The following SLC24A2 variants were observed in gnomAD, a reference collection of about 807,000 sequenced individuals.
SLC24A2 encodes the protein sodium/potassium/calcium exchanger 2.
SLC24A2 carries 36 observed loss-of-function variants against 62.0 expected under a neutral mutation model. The observed-to-expected ratio is 0.58, with a 90% CI of 0.44 to 0.77. The LOEUF (loss-of-function observed/expected upper bound fraction) is 0.77, where lower values mean the gene tolerates loss of function less well. SLC24A2 is among the 30% of genes least tolerant of loss of function. SLC24A2 has a pLI of 0.00. For missense variants in SLC24A2, 846 were observed against 817.9 expected (o/e 1.03, Z -0.42); for synonymous variants, 358 against 294.0 (o/e 1.22, Z -2.23).
At chr9:20,210,418 A>T in the SLC24A2 span, among the ~76,000 whole-genome samples, 2 of 152,330 alleles carry the variant, frequency 1.3e-5, no homozygotes, top group Non-Finnish European at 2.9e-5. Context: ...TTGGCTAAAT[A>T]GCATTTAAAG....
At chr9:19,850,403 A>G in the SLC24A2 span, among the ~76,000 whole-genome samples, 5 of 152,178 alleles carry the variant, frequency 3.3e-5, no homozygotes, top group Admixed American at 3.3e-4. Context: ...TAAATGTGCA[A>G]AGCATATATA....
At chr9:19,770,266 G>C (rs1365479211) in intron 2 of SLC24A2, among the ~76,000 whole-genome samples, 1 of 151,784 alleles carries the variant, frequency 6.6e-6, no homozygotes, top group African/African-American at 2.4e-5. Context: ...CTTGGTTTTG[G>C]ATCTCGGTTC....
chr9:19,694,680 T>G (rs893532471), intron 2 of SLC24A2, among the ~76,000 whole-genome samples: 3 of 152,160 alleles, frequency 2.0e-5, no homozygotes, highest in African/African-American at 7.2e-5. Flanking sequence ...AGTTCAGATA[T>G]GCACAAAGAT....
At position 19,786,139 on chromosome 9, in the gene SLC24A2, G is replaced by A; in HGVS notation, c.728C>T (p.Ser243Phe). ...CATGATCAAGTCAACAATGTAGAAA[G>A]ACACATCTCGAAAGAGCGGCCACCA... ...LTWWPLFRDV[S>F]FYIVDLIMLI... is the part of the protein sequence containing the mutation. The change falls in exon 2 of 11, where the codon TCT becomes TTT. Residue 243 changes from serine (S) to phenylalanine (F), a missense_variant. By Grantham distance (155) the Ser-to-Phe change is radical (BLOSUM62 -2). Coordinates refer to ENST00000341998, the MANE Select transcript of SLC24A2 (RefSeq NM_020344.4). The surrounding 1 kb of genome is among the most constrained non-coding windows in gnomAD (Gnocchi z 5.0). 6.2e-7 allele frequency: 1 copy of A among 1,614,172 alleles called. No individual in the cohort carries two copies. Among genetic ancestry groups the A allele is most frequent in the South Asian group, 1.1e-5 (1 of 91,074 alleles).
chr9:20,145,271 C>T, the SLC24A2 span, among the ~76,000 whole-genome samples: 2 of 152,102 alleles, frequency 1.3e-5, no homozygotes, highest in African/African-American at 2.4e-5. Flanking sequence ...GGGCTCGTTG[C>T]TCTATGAAAG....
chr9:19,802,175 G>T, the SLC24A2 span, among the ~76,000 whole-genome samples: 2 of 152,170 alleles, frequency 1.3e-5, no homozygotes, highest in African/African-American at 4.8e-5. Context: ...AATATTTGTA[G>T]CTCTATGACT....
At chr9:20,075,748 G>C in the SLC24A2 span, among the ~76,000 whole-genome samples, 1 of 152,136 alleles carries the variant, frequency 6.6e-6, no homozygotes, top group Admixed American at 6.6e-5. Context: ...CCCTTTACTA[G>C]TAAACACTGC....
the SLC24A2 span, among the ~76,000 whole-genome samples, chr9:19,820,046 T>TATATATATATACAC: frequency 9.3e-5 from 2 of 21,412 alleles, no homozygotes; most frequent in African/African-American, 1.5e-4. Flanking sequence ...TATATACATA[T>TATATATATATACAC]ATATATATAC....
At chr9:19,839,395 G>A in the SLC24A2 span, among the ~76,000 whole-genome samples, 1 of 152,162 alleles carries the variant, frequency 6.6e-6, no homozygotes, top group Non-Finnish European at 1.5e-5. Context: ...ATTTCTATTA[G>A]GTGTAATGGC....
At chr9:20,035,755 T>A in the SLC24A2 span, among the ~76,000 whole-genome samples, 1 of 152,124 alleles carries the variant, frequency 6.6e-6, no homozygotes, top group African/African-American at 2.4e-5. Flanking sequence ...AGAACCTGTC[T>A]CAATAAATAA....
At chr9:19,572,596 GT>G (rs1212782760) in intron 7 of SLC24A2, among the ~76,000 whole-genome samples, 1 of 152,100 alleles carries the variant, frequency 6.6e-6, no homozygotes, top group African/African-American at 2.4e-5. Context: ...ATGATTATAA[GT>G]TTCCTGAGGC....
the SLC24A2 span, among the ~76,000 whole-genome samples, chr9:19,868,323 A>G: frequency 6.6e-6 from 1 of 152,192 alleles, no homozygotes; most frequent in African/African-American, 2.4e-5. Context: ...ATTTCAACCA[A>G]GATTTGTGAA....
chr9:19,632,794 A>G lies in SLC24A2; in HGVS notation c.931-10495T>C, dbSNP rs1818211742. Among the ~76,000 whole-genome samples the G allele has an allele frequency of 6.6e-6, 1 of 152,144 alleles. No individual in the cohort carries two copies. ...AGTTGGCATTGGTACAATCTATGGAACTCATTCAGATTTCACCAGTTATAT... is the reference window on the plus strand; with the variant it reads ...AGTTGGCATTGGTACAATCTATGGAGCTCATTCAGATTTCACCAGTTATAT... On this transcript the variant is annotated intron_variant, in intron 2 of 10. Coordinates refer to ENST00000341998, the MANE Select transcript of SLC24A2 (RefSeq NM_020344.4). This position sits in a 1 kb window ranked among gnomAD's most constrained non-coding sequence, Gnocchi z 4.5.
At chr9:20,191,952 A>C in the SLC24A2 span, among the ~76,000 whole-genome samples, 2 of 152,176 alleles carry the variant, frequency 1.3e-5, no homozygotes, top group Non-Finnish European at 2.9e-5. Flanking sequence ...ATAAGATGCT[A>C]TGCACAGAGG....
chr9:20,296,988 T>C, the SLC24A2 span, among the ~76,000 whole-genome samples: 1 of 152,182 alleles, frequency 6.6e-6, no homozygotes, highest in African/African-American at 2.4e-5. Context: ...AAAATGTAAA[T>C]ACATTTATTT....
chr9:19,535,377 T>C (rs1241452911), intron 8 of SLC24A2, among the ~76,000 whole-genome samples: 1 of 152,224 alleles, frequency 6.6e-6, no homozygotes, highest in Non-Finnish European at 1.5e-5. Context: ...GTTGCCAATT[T>C]TGGCTTTTGT....
chr9:20,125,627 C>G, the SLC24A2 span, among the ~76,000 whole-genome samples: 1 of 152,134 alleles, frequency 6.6e-6, no homozygotes, highest in Non-Finnish European at 1.5e-5. Flanking sequence ...GGGCCCAGGT[C>G]AGCACTAGGG....
At chr9:20,200,455 T>A in the SLC24A2 span, among the ~76,000 whole-genome samples, 1 of 152,214 alleles carries the variant, frequency 6.6e-6, no homozygotes, top group African/African-American at 2.4e-5. Flanking sequence ...CACAAATTTA[T>A]CCCGCTAAAC....
the SLC24A2 span, among the ~76,000 whole-genome samples, chr9:19,992,336 C>T: frequency 4.6e-5 from 7 of 152,096 alleles, no homozygotes; most frequent in Non-Finnish European, 7.4e-5. Context: ...CTGTATTTTC[C>T]ACCATGTCTG....
Sources: allele counts gnomAD v4.1 joint callset (sites outside exome capture counted in the v4.1 genomes callset), GRCh38; gene constraint gnomAD v4.1.1; non-coding constraint Gnocchi (gnomAD v3.1); transcripts MANE v1.5; gene names NCBI Gene and HGNC (gene_info 2026-07-23, HGNC 2026-07-21).